The following IGF2BP1 variants were observed in gnomAD, a reference collection of about 807,000 sequenced individuals.
IGF2BP1 encodes insulin-like growth factor 2 mRNA-binding protein 1.
A neutral mutation model predicts 74.9 loss-of-function variants in IGF2BP1; 11 were observed. The observed-to-expected ratio is 0.15, with a 90% CI of 0.09 to 0.24. The LOEUF is 0.24. Among genes scored for constraint, IGF2BP1 ranks in the 10% least tolerant of loss-of-function variants. IGF2BP1 has a pLI of 1.00. For synonymous variants in IGF2BP1, 287 were observed against 281.8 expected (o/e 1.02, Z -0.18); for missense variants, 440 against 757.4 (o/e 0.58, Z 4.92).
chr17:49,012,288 A>G (rs953759142), intron 2 of IGF2BP1, among the ~76,000 whole-genome samples: 2 of 152,174 alleles, frequency 1.3e-5, no homozygotes, highest in African/African-American at 4.8e-5. Context: ...TTCTGTTGGA[A>G]TGAAATAATA....
chr17:49,005,742 T>C (rs1438350438), intron 2 of IGF2BP1, among the ~76,000 whole-genome samples: 1 of 152,174 alleles, frequency 6.6e-6, no homozygotes, highest in Non-Finnish European at 1.5e-5. Flanking sequence ...TTTTTTCATT[T>C]TGAGTTAATT....
rs765843488 is a variant in IGF2BP1, at chr17:49,045,039, A to G, written c.1369A>G (p.Thr457Ala). Residue 457 changes from threonine (T) to alanine (A), a missense_variant, in exon 12 of 15, where the codon ACT (threonine) becomes GCT (alanine). By Grantham distance (58) the Thr-to-Ala change is moderately conservative. This residue lies in a region of IGF2BP1 where 117 missense variants were observed against 237.2 expected (regional missense o/e 0.49). Transcript: ENST00000290341. Reference protein sequence around the residue: ...PDSKVRMVIITGPPEAQFKAQ... With the variant: ...PDSKVRMVIIAGPPEAQFKAQ... ...CTCCAAAGTTCGTATGGTTATCATC[A>G]CTGGACCGCCAGAGGCCCAATTCAA... 2.5e-6 allele frequency: 4 copies of G among 1,614,130 alleles called. No individual in the cohort carries two copies. In the South Asian group the frequency reaches 4.4e-5, roughly 18 times the overall value.
In IGF2BP1 at chr17:49,051,875, T is replaced by A. The variant is rs2042171233; in HGVS notation, c.*2431T>A. Reference sequence around the variant, plus strand: ...TTGTTTCATTTCAGTTCCGTCTTGCTATTCTTCCTAATCTATATCCATAGA... The same window carrying A: ...TTGTTTCATTTCAGTTCCGTCTTGCAATTCTTCCTAATCTATATCCATAGA... On this transcript the variant is annotated 3_prime_UTR_variant, in exon 15 of 15. Coordinates refer to ENST00000290341, the MANE Select transcript of IGF2BP1 (RefSeq NM_006546.4). The A allele has an allele frequency of 6.6e-6, 1 of 152,048 alleles. No individual in the cohort carries two copies. The highest frequency in any genetic ancestry group is 2.4e-5 in the African/African-American group (1 of 41,382). The allele number at this position is 152,048 out of a possible 1,614,324, so 9.4% of individuals were successfully genotyped here. A position where few individuals can be genotyped will look rare whatever the true frequency, so the allele number is the denominator to read the frequency against.
rs993312374 is a variant in IGF2BP1 at position 49,003,718 on chromosome 17, A to G, written c.236+4549A>G. 2.7e-5 allele frequency among the ~76,000 whole-genome samples: 4 copies of G among 146,136 alleles called. No homozygotes were observed. In the South Asian group the frequency reaches 9.0e-4, roughly 33 times the overall value. Reference sequence around the variant, plus strand: ...TAGGGAGAGAAAAGGGGAGGAAAAAAGCAGCAGGGGGAGACTGGAGAAATC... The same window carrying G: ...TAGGGAGAGAAAAGGGGAGGAAAAAGGCAGCAGGGGGAGACTGGAGAAATC... On this transcript the variant is annotated intron_variant, in intron 2 of 14. Coordinates refer to ENST00000290341, the MANE Select transcript of IGF2BP1 (RefSeq NM_006546.4).
intron 4 of IGF2BP1, among the ~76,000 whole-genome samples, chr17:49,027,399 G>A (rs1054556517): frequency 6.6e-6 from 1 of 152,206 alleles, no homozygotes; most frequent in Non-Finnish European, 1.5e-5. Context: ...TCAACCGGTT[G>A]TCTCTTTTTA....
chr17:49,049,204 A>C, intron 14 of IGF2BP1, 148 bp from the exon 15 acceptor site: 1 of 638,508 alleles, frequency 1.6e-6, no homozygotes, highest in Non-Finnish European at 2.7e-6. Context: ...AGGTCACCCC[A>C]ACCCTCATTC....
intron 2 of IGF2BP1, among the ~76,000 whole-genome samples, chr17:49,001,507 G>A (rs1455548428): frequency 5.3e-5 from 8 of 152,088 alleles, no homozygotes; most frequent in African/African-American, 1.7e-4. Context: ...AAGATATGCT[G>A]TAGCAATACC....
chr17:49,039,350 G>C (rs1598154810), intron 6 of IGF2BP1, among the ~76,000 whole-genome samples: 1 of 152,174 alleles, frequency 6.6e-6, no homozygotes, highest in South Asian at 2.1e-4. Context: ...CTTTGGAGCT[G>C]TGGGCTGGTA....
upstream of IGF2BP1, among the ~76,000 whole-genome samples, chr17:48,997,252 C>T (rs1251147533): frequency 6.6e-6 from 1 of 152,020 alleles, no homozygotes; most frequent in African/African-American, 2.4e-5. This position sits in a 1 kb window ranked among gnomAD's most constrained non-coding sequence, Gnocchi z 4.8. Flanking sequence ...AGTTGAGTTC[C>T]CCACCCTCAG....
At chr17:49,027,134 G>T (rs1356230124) in intron 4 of IGF2BP1, among the ~76,000 whole-genome samples, 1 of 152,188 alleles carries the variant, frequency 6.6e-6, no homozygotes, top group Non-Finnish European at 1.5e-5. Flanking sequence ...TGGATTGGGG[G>T]CGTGGACTCC....
At chr17:49,041,971 G>C (rs2042057649) in intron 8 of IGF2BP1, among the ~76,000 whole-genome samples, 1 of 152,232 alleles carries the variant, frequency 6.6e-6, no homozygotes, top group African/African-American at 2.4e-5. Flanking sequence ...TAGAATCAAT[G>C]GGGAAACTTG....
chr17:48,997,708 C>A lies in IGF2BP1; in HGVS notation c.-38C>A. 1 of 1,600,080 alleles carries A rather than the reference C, an allele frequency of 6.2e-7. No individual in the cohort carries two copies. The highest frequency in any genetic ancestry group is 8.5e-7 in the Non-Finnish European group (1 of 1,172,352). On this transcript the variant is annotated 5_prime_UTR_variant, in exon 1 of 15. Coordinates refer to ENST00000290341, the MANE Select transcript of IGF2BP1 (RefSeq NM_006546.4). The surrounding 1 kb of genome is among the most constrained non-coding windows in gnomAD (Gnocchi z 4.8). ...TCGCCGCCCGCGCCCGCTCGTTCGG[C>A]CTTGCCCGGGACCGCGTCCTGCCCC...
At position 49,049,565 on chromosome 17, in the gene IGF2BP1, G is replaced by C. The variant is rs2042145687; in HGVS notation, c.*121G>C. On this transcript the variant is annotated 3_prime_UTR_variant, in exon 15 of 15. Transcript: ENST00000290341. ...GACACCTGGGCCGGGCTGTAGATCA[G>C]GTTTGCCCACTTGATTGAGAAAGAT... 1.3e-6 allele frequency: 1 copy of C among 763,142 alleles called. No homozygotes were observed. Among genetic ancestry groups the C allele is most frequent in the Non-Finnish European group, 2.2e-6 (1 of 464,262 alleles). The allele number at this position is 763,142 out of a possible 1,614,324, so 47.3% of individuals were successfully genotyped here. A position where few individuals can be genotyped will look rare whatever the true frequency, so the allele number is the denominator to read the frequency against.
At chr17:49,038,105 A>G in intron 5 of IGF2BP1, 63 bp from the exon 6 acceptor site, 2 of 1,371,184 alleles carry the variant, frequency 1.5e-6, no homozygotes, top group Non-Finnish European at 1.9e-6. Flanking sequence ...GCTTTGGCCA[A>G]GAGAGCATCT....
At chr17:49,035,245 C>A (rs981582046) in intron 5 of IGF2BP1, among the ~76,000 whole-genome samples, 8 of 152,186 alleles carry the variant, frequency 5.3e-5, no homozygotes, top group Admixed American at 5.2e-4. Context: ...ATGATATCCA[C>A]ATGACAAAAG....
intron 11 of IGF2BP1, among the ~76,000 whole-genome samples, 164 bp from the exon 12 acceptor site, chr17:49,044,827 G>A (rs73988946): frequency 0.011 from 1,740 of 152,346 alleles, 24 homozygotes; most frequent in African/African-American, 0.04. Flanking sequence ...TAATTCTGGT[G>A]TGAAGGCGTA....
intron 5 of IGF2BP1, 85 bp downstream of exon 5, chr17:49,032,058 G>C: frequency 1.6e-6 from 2 of 1,216,482 alleles, no homozygotes; most frequent in Admixed American, 1.8e-5. Flanking sequence ...TTTTTCCTCA[G>C]GGGGGTCTAG....
rs1251293791 is a variant in IGF2BP1 at position 49,055,110 on chromosome 17, T to C, written c.*5666T>C. On this transcript the variant is annotated 3_prime_UTR_variant, in exon 15 of 15. Coordinates refer to ENST00000290341, the MANE Select transcript of IGF2BP1 (RefSeq NM_006546.4). ...TTTCTTTTTCCAAAGGAAAAAAATA[T>C]TACCTTGAGAATACTTTCCAAAAAA... The C allele has an allele frequency of 4.0e-5, 6 of 149,998 alleles. No homozygotes were observed. The highest frequency in any genetic ancestry group is 3.2e-3 in the Middle Eastern group (1 of 314). 9.3% of individuals were successfully genotyped at this position (149,998 alleles called of 1,614,324 possible). A position where few individuals can be genotyped will look rare whatever the true frequency, so the allele number is the denominator to read the frequency against.
intron 4 of IGF2BP1, among the ~76,000 whole-genome samples, chr17:49,030,256 C>T (rs2041907305): frequency 1.3e-5 from 2 of 151,046 alleles, no homozygotes; most frequent in Non-Finnish European, 2.9e-5. Context: ...GTTCTTCTGT[C>T]TCAACCTCCC....
Sources: gnomAD v4.1 joint callset for allele counts (sites outside exome capture counted in the v4.1 genomes callset) on GRCh38, gnomAD v4.1.1 for gene constraint, gnomAD v4.1.1 regional missense constraint, Gnocchi (gnomAD v3.1) non-coding constraint, MANE v1.5 for transcripts, NCBI Gene and HGNC (gene_info 2026-07-23, HGNC 2026-07-21) for gene names.